The following STIM2 variants were observed in gnomAD, a reference collection of about 807,000 sequenced individuals.
The protein encoded by STIM2 is stromal interaction molecule 2.
In STIM2, 31 loss-of-function variants were observed where a neutral mutation model predicts 85.8. The observed-to-expected ratio is 0.36, with a 90% CI of 0.27 to 0.49. STIM2 has a LOEUF of 0.49. Among genes scored for constraint, STIM2 ranks in the 20% least tolerant of loss-of-function variants. The pLI, the probability that STIM2 is intolerant of heterozygous loss-of-function variation, is 0.98. For synonymous variants in STIM2, 356 were observed against 331.1 expected (o/e 1.08, Z -0.82); for missense variants, 841 against 927.6 (o/e 0.91, Z 1.21).
intron 2 of STIM2, among the ~76,000 whole-genome samples, chr4:26,946,137 T>C (rs1397687766): frequency 6.6e-6 from 1 of 152,220 alleles, no homozygotes; most frequent in Non-Finnish European, 1.5e-5. Flanking sequence ...AACATTGATG[T>C]CCTACCATGT....
intron 2 of STIM2, among the ~76,000 whole-genome samples, chr4:26,920,454 C>CT (rs1171105673): frequency 3.3e-5 from 5 of 152,188 alleles, no homozygotes; most frequent in African/African-American, 1.2e-4. Context: ...AAGTTGGCTT[C>CT]TTTGAGTGTT....
intron 1 of STIM2, among the ~76,000 whole-genome samples, chr4:26,896,319 G>T (rs773834024): frequency 1.3e-5 from 2 of 152,152 alleles, no homozygotes; most frequent in Non-Finnish European, 2.9e-5. Flanking sequence ...ATTGATTAGG[G>T]CTCTGAATTA....
chr4:26,946,510 G>T (rs1034687736), intron 2 of STIM2, among the ~76,000 whole-genome samples: 1 of 152,186 alleles, frequency 6.6e-6, no homozygotes, highest in Non-Finnish European at 1.5e-5. Flanking sequence ...TCTTCTCTGT[G>T]TGAGGGGCCT....
At chr4:26,960,165 T>C (rs956560853) in intron 3 of STIM2, among the ~76,000 whole-genome samples, 3 of 152,198 alleles carry the variant, frequency 2.0e-5, no homozygotes, top group African/African-American at 7.2e-5. Flanking sequence ...TCTGCTTTTA[T>C]CTGTTATATT....
intron 2 of STIM2, among the ~76,000 whole-genome samples, chr4:26,921,170 A>G (rs1048621723): frequency 2.0e-5 from 3 of 152,162 alleles, no homozygotes; most frequent in African/African-American, 4.8e-5. Context: ...GGAGGCAGAG[A>G]TTAGTTTTAT....
At chr4:27,010,832 A>G (rs1404990828) in intron 10 of STIM2, among the ~76,000 whole-genome samples, 2 of 152,222 alleles carry the variant, frequency 1.3e-5, no homozygotes, top group Non-Finnish European at 2.9e-5. Flanking sequence ...AAAAACACAG[A>G]AAATATCAAT....
At chr4:26,931,708 T>A (rs1235088562) in intron 2 of STIM2, among the ~76,000 whole-genome samples, 1 of 152,180 alleles carries the variant, frequency 6.6e-6, no homozygotes, top group Non-Finnish European at 1.5e-5. Flanking sequence ...GGGAAGGGCA[T>A]AGGTGCTAGA....
At chr4:26,868,431 G>A (rs561566348) in intron 1 of STIM2, among the ~76,000 whole-genome samples, 1 of 152,004 alleles carries the variant, frequency 6.6e-6, no homozygotes, top group Admixed American at 6.6e-5. Context: ...AAACTGTTTT[G>A]TTTAATTAAG....
chr4:26,998,373 A>G (rs1472997404), intron 4 of STIM2, among the ~76,000 whole-genome samples: 1 of 152,054 alleles, frequency 6.6e-6, no homozygotes, highest in Non-Finnish European at 1.5e-5. Context: ...ACCTACCTCA[A>G]TCCATGAAGG....
chr4:26,870,294 C>T (rs1371957973), intron 1 of STIM2, among the ~76,000 whole-genome samples: 1 of 134,104 alleles, frequency 7.5e-6, no homozygotes, highest in African/African-American at 3.1e-5. Flanking sequence ...GTTCTTAACA[C>T]ACCAAAAAAA....
At chr4:26,870,050 G>A (rs1183197109) in intron 1 of STIM2, among the ~76,000 whole-genome samples, 5 of 152,024 alleles carry the variant, frequency 3.3e-5, no homozygotes, top group Admixed American at 6.6e-5. Flanking sequence ...GTGAAGTAAC[G>A]CAGCCATAGA....
chr4:26,971,193 T>C (rs1726935015), intron 3 of STIM2, among the ~76,000 whole-genome samples: 1 of 152,222 alleles, frequency 6.6e-6, no homozygotes, highest in Admixed American at 6.5e-5. Context: ...TTTTGTAGGT[T>C]ACCTGTTCAC....
At chr4:27,022,412 C>T (rs1728943677) in intron 11 of STIM2, 107 bp from the exon 12 acceptor site, 2 of 903,860 alleles carry the variant, frequency 2.2e-6, no homozygotes, top group Non-Finnish European at 3.3e-6. Context: ...TCATTTCCCT[C>T]TTTTAAATTT....
chr4:26,993,883 T>C (rs1016334707), intron 3 of STIM2, among the ~76,000 whole-genome samples: 24 of 152,198 alleles, frequency 1.6e-4, no homozygotes. Flanking sequence ...CTTACTTTGT[T>C]GGTTCCATTA....
rs926105423 is a variant in STIM2, at chr4:26,890,802, C to T, written c.152-28702C>T. On this transcript the variant is annotated intron_variant, in intron 1 of 11. Transcript: ENST00000467087. ...TCCCGCCACTGCACTCCAGCCTGGG[C>T]GACAGAGCGAGACTCCGTCTCAAAA... 1.4e-4 allele frequency among the ~76,000 whole-genome samples: 19 copies of T among 136,430 alleles called. No individual in the cohort carries two copies. In the South Asian group the frequency reaches 3.9e-3, roughly 28 times the overall value. 89.5% of individuals were successfully genotyped at this position (136,430 alleles called of 152,430 possible).
chr4:26,957,384 G>A lies in STIM2; in HGVS notation c.283-228G>A, dbSNP rs1159226572. ...CCGGTAAATAATAAACATTGACTAA[G>A]TACTTCTACTGCTGTTGCTGGTGGT... On this transcript the variant is annotated intron_variant, in intron 2 of 11. Coordinates refer to ENST00000467087, the MANE Select transcript of STIM2 (RefSeq NM_020860.4). Among the ~76,000 whole-genome samples, 6 of 152,172 alleles carry A rather than the reference G, an allele frequency of 3.9e-5. No individual in the cohort carries two copies. The East Asian group carries it at 9.6e-4, about 24-fold the overall frequency.
intron 3 of STIM2, among the ~76,000 whole-genome samples, chr4:26,966,917 T>G (rs1001840193): frequency 9.2e-5 from 14 of 152,182 alleles, no homozygotes; most frequent in Non-Finnish European, 2.1e-4. Context: ...GATAAGAACC[T>G]CTTCAATAAA....
intron 10 of STIM2, among the ~76,000 whole-genome samples, chr4:27,014,140 A>G (rs1022696127): frequency 6.6e-6 from 1 of 151,836 alleles, no homozygotes; most frequent in Non-Finnish European, 1.5e-5. Context: ...CAGTTTGTCT[A>G]TTTTATTTCA....
At chr4:26,877,712 G>A (rs904299751) in intron 1 of STIM2, among the ~76,000 whole-genome samples, 1 of 151,874 alleles carries the variant, frequency 6.6e-6, no homozygotes, top group Admixed American at 6.6e-5. Flanking sequence ...TTTCTCTGGC[G>A]GCAAGTTGCT....
Sources: gnomAD v4.1 joint callset for allele counts (sites outside exome capture counted in the v4.1 genomes callset) on GRCh38, gnomAD v4.1.1 for gene constraint, MANE v1.5 for transcripts, NCBI Gene and HGNC (gene_info 2026-07-23, HGNC 2026-07-21) for gene names.